The following PGGT1B variants were observed in gnomAD, a reference collection of about 807,000 sequenced individuals.
PGGT1B encodes protein geranylgeranyltransferase type I subunit beta.
In PGGT1B, 30 loss-of-function variants were observed where a neutral mutation model predicts 46.1. The ratio of observed to expected loss-of-function variants is 0.65; its 90% confidence interval spans 0.49 to 0.88. PGGT1B has a LOEUF of 0.88. Among genes scored for constraint, PGGT1B ranks in the 40% least tolerant of loss-of-function variants. The pLI is 0.00. For synonymous variants in PGGT1B, 170 were observed against 160.0 expected (o/e 1.06, Z -0.47); for missense variants, 376 against 455.9 (o/e 0.82, Z 1.60).
intron 4 of PGGT1B, 81 bp from the exon 5 acceptor site, chr5:115,236,603 C>T (rs1355391917): frequency 3.9e-6 from 3 of 760,366 alleles, no homozygotes; most frequent in Non-Finnish European, 6.1e-6. Flanking sequence ...ACACCTCCTG[C>T]TTGTCTTTAC....
At chr5:115,235,805 T>A (rs1757162574) in intron 5 of PGGT1B, among the ~76,000 whole-genome samples, 1 of 152,140 alleles carries the variant, frequency 6.6e-6, no homozygotes, top group Admixed American at 6.5e-5. Context: ...GGCATTTTCA[T>A]TTTGAAATAT....
intron 7 of PGGT1B, among the ~76,000 whole-genome samples, chr5:115,218,397 G>GTA (rs10624080): frequency 0.22 from 31,059 of 139,366 alleles, 3,485 homozygotes; most frequent in Middle Eastern, 0.34. Context: ...ATGTGTGTGT[G>GTA]TATATATATA....
chr5:115,259,780 T>C (rs1308982089), intron 1 of PGGT1B, among the ~76,000 whole-genome samples: 1 of 147,720 alleles, frequency 6.8e-6, no homozygotes, highest in Non-Finnish European at 1.5e-5. Context: ...CAACACAGGA[T>C]ACACAGGGGA....
rs1225700773 is a variant in PGGT1B at position 115,211,871 on chromosome 5, C to CCTTT, written c.*530_*531insAAAG. Reference sequence around the variant, plus strand: ...ATATAGGCCACACAGGTTTAATTGGCACACTTTACTTAAGAATAAGACAAA... The same window carrying CCTTT: ...ATATAGGCCACACAGGTTTAATTGGCCTTTACACTTTACTTAAGAATAAGACAAA... On this transcript the variant is annotated 3_prime_UTR_variant, in exon 9 of 9. Transcript: ENST00000419445. The CCTTT allele has an allele frequency of 6.5e-6, 1 of 153,644 alleles. No homozygotes were observed. Among genetic ancestry groups the CCTTT allele is most frequent in the East Asian group, 1.9e-4 (1 of 5,204 alleles). 9.5% of individuals were successfully genotyped at this position (153,644 alleles called of 1,614,324 possible). A position where few individuals can be genotyped will look rare whatever the true frequency, so the allele number is the denominator to read the frequency against.
chr5:115,252,155 T>A (rs1197507436), intron 2 of PGGT1B, among the ~76,000 whole-genome samples: 1 of 152,072 alleles, frequency 6.6e-6, no homozygotes, highest in African/African-American at 2.4e-5. Context: ...TATACATGCT[T>A]TCATTGGGGC....
At chr5:115,247,064 C>T (rs1486070842) in intron 2 of PGGT1B, among the ~76,000 whole-genome samples, 6 of 152,020 alleles carry the variant, frequency 3.9e-5, no homozygotes, top group African/African-American at 1.4e-4. Context: ...TTTATTTGCA[C>T]GTTTGTACAT....
At chr5:115,244,188 G>A (rs1434779467) in intron 2 of PGGT1B, among the ~76,000 whole-genome samples, 2 of 152,116 alleles carry the variant, frequency 1.3e-5, no homozygotes, top group Non-Finnish European at 2.9e-5. Flanking sequence ...AACACAGGTT[G>A]GGCGCGGTGG....
intron 1 of PGGT1B, among the ~76,000 whole-genome samples, chr5:115,254,831 C>T (rs1748246701): frequency 6.6e-6 from 1 of 152,066 alleles, no homozygotes; most frequent in Non-Finnish European, 1.5e-5. Context: ...GGACATTTCT[C>T]ATATATTATC....
At chr5:115,215,559 A>C (rs1349384652) in intron 8 of PGGT1B, among the ~76,000 whole-genome samples, 1 of 152,020 alleles carries the variant, frequency 6.6e-6, no homozygotes, top group Non-Finnish European at 1.5e-5. Context: ...CAGCCTCCCA[A>C]ACTGTTGGGA....
rs944638271 is a variant in PGGT1B, at chr5:115,211,177, C to A, written c.*1225G>T. ...TTTCTTTCCCCATTTCAGTACTAGA[C>A]GCAATAGTTCTGAATGTCACTGAGC... is the stretch of plus-strand genomic sequence containing the variant. On this transcript the variant is annotated 3_prime_UTR_variant, in exon 9 of 9. Transcript: ENST00000419445. The A allele has an allele frequency of 1.3e-5, 2 of 151,954 alleles. No individual in the cohort carries two copies. The highest frequency in any genetic ancestry group is 4.8e-5 in the African/African-American group (2 of 41,410). 9.4% of individuals were successfully genotyped at this position (151,954 alleles called of 1,614,324 possible).
At chr5:115,261,662 C>A (rs1487122897) in intron 1 of PGGT1B, among the ~76,000 whole-genome samples, 1 of 152,130 alleles carries the variant, frequency 6.6e-6, no homozygotes, top group Non-Finnish European at 1.5e-5. Flanking sequence ...AGTTTATAAT[C>A]CAGTGTAATA....
chr5:115,246,554 C>A (rs183131845), intron 2 of PGGT1B, among the ~76,000 whole-genome samples: 6 of 152,204 alleles, frequency 3.9e-5, no homozygotes, highest in Admixed American at 2.0e-4. Context: ...GTATAAATTT[C>A]TTTCCAGGTT....
At position 115,211,083 on chromosome 5, in the gene PGGT1B, A is replaced by G. The variant is rs1456833760; in HGVS notation, c.*1319T>C. 1 of 152,106 alleles carries G rather than the reference A, an allele frequency of 6.6e-6. No individual in the cohort carries two copies. Among genetic ancestry groups the G allele is most frequent in the Non-Finnish European group, 1.5e-5 (1 of 67,932 alleles). The allele number at this position is 152,106 out of a possible 1,614,324, so 9.4% of individuals were successfully genotyped here. On this transcript the variant is annotated 3_prime_UTR_variant, in exon 9 of 9. Coordinates refer to ENST00000419445, the MANE Select transcript of PGGT1B (RefSeq NM_005023.4). ...GTGATACCAGTAATCCAGTTTTTAT[A>G]CTGATACTTGTATTTCAACATTTAT...
intron 2 of PGGT1B, among the ~76,000 whole-genome samples, chr5:115,247,017 G>A (rs7726219): frequency 0.013 from 2,035 of 152,162 alleles, 47 homozygotes; most frequent in African/African-American, 0.046. Flanking sequence ...AAAATATAAT[G>A]TATCTATAGT....
chr5:115,223,334 G>GTT (rs1340021906), intron 6 of PGGT1B, among the ~76,000 whole-genome samples: 2 of 152,070 alleles, frequency 1.3e-5, no homozygotes, highest in African/African-American at 4.8e-5. Flanking sequence ...ATGTGATTAA[G>GTT]TTAAACGATC....
chr5:115,230,728 C>A (rs1234658057), intron 6 of PGGT1B, among the ~76,000 whole-genome samples: 1 of 152,162 alleles, frequency 6.6e-6, no homozygotes, highest in Admixed American at 6.6e-5. Context: ...ATGCAGATAA[C>A]ACTTGAATAG....
At chr5:115,232,497 T>A (rs1258044238) in intron 5 of PGGT1B, among the ~76,000 whole-genome samples, 1 of 152,104 alleles carries the variant, frequency 6.6e-6, no homozygotes, top group Admixed American at 6.6e-5. Flanking sequence ...ATATTTCTAA[T>A]GTTTTAAATT....
rs1371137751 is a variant in PGGT1B at position 115,211,319 on chromosome 5, C to T, written c.*1083G>A. ...CAAAACAATGAACAAAAACAAAACCCTATTTCTTACCCTCTAAATGGTCGC... is the reference window on the plus strand; with the variant it reads ...CAAAACAATGAACAAAAACAAAACCTTATTTCTTACCCTCTAAATGGTCGC... On this transcript the variant is annotated 3_prime_UTR_variant, in exon 9 of 9. Transcript: ENST00000419445. 2 of 151,980 alleles carry T rather than the reference C, an allele frequency of 1.3e-5. No individual in the cohort carries two copies. The highest frequency in any genetic ancestry group is 4.8e-5 in the African/African-American group (2 of 41,510). 9.4% of individuals were successfully genotyped at this position (151,980 alleles called of 1,614,324 possible). A position where few individuals can be genotyped will look rare whatever the true frequency, so the allele number is the denominator to read the frequency against.
intron 3 of PGGT1B, among the ~76,000 whole-genome samples, chr5:115,240,860 C>T (rs1757326232): frequency 6.6e-6 from 1 of 152,138 alleles, no homozygotes; most frequent in Admixed American, 6.5e-5. Flanking sequence ...TGCTTTTCTC[C>T]ACTTTCTACT....
Sources: allele counts gnomAD v4.1 joint callset (sites outside exome capture counted in the v4.1 genomes callset), GRCh38; gene constraint gnomAD v4.1.1; transcripts MANE v1.5; gene names NCBI Gene and HGNC (gene_info 2026-07-23, HGNC 2026-07-21).